The following MARCHF7 variants were observed in gnomAD, a reference collection of about 807,000 sequenced individuals.
The protein encoded by MARCHF7 is E3 ubiquitin-protein ligase MARCHF7.
A neutral mutation model predicts 76.5 loss-of-function variants in MARCHF7; 20 were observed. That is an observed-to-expected ratio of 0.26 (90% confidence interval 0.18 to 0.38). The LOEUF is 0.38. MARCHF7 is among the 10% of genes least tolerant of loss of function. The pLI is 1.00. For missense variants in MARCHF7, 797 were observed against 812.9 expected (o/e 0.98, Z 0.24); for synonymous variants, 295 against 293.0 (o/e 1.01, Z -0.07).
At chr2:159,752,134 T>C (rs1705727756) in intron 7 of MARCHF7, among the ~76,000 whole-genome samples, 1 of 152,232 alleles carries the variant, frequency 6.6e-6, no homozygotes, top group African/African-American at 2.4e-5. Context: ...TTAAATCATT[T>C]GAAAATAAAT....
intron 4 of MARCHF7, among the ~76,000 whole-genome samples, chr2:159,737,855 A>G (rs529173736): frequency 6.6e-6 from 1 of 152,318 alleles, no homozygotes; most frequent in African/African-American, 2.4e-5. Flanking sequence ...ACCTTCATAC[A>G]TAGTTGATGG....
chr2:159,745,637 C>CA (rs1704765582), intron 5 of MARCHF7, 133 bp from the exon 6 acceptor site: 1 of 576,884 alleles, frequency 1.7e-6, no homozygotes, highest in Admixed American at 3.8e-5. Context: ...GCCTGGGTGA[C>CA]AGAGTGAGAC....
chr2:159,714,137 C>CG (rs1700725657), intron 1 of MARCHF7, among the ~76,000 whole-genome samples: 1 of 152,198 alleles, frequency 6.6e-6, no homozygotes, highest in African/African-American at 2.4e-5. Context: ...TAGTCCGCTC[C>CG]ATACCCACCT....
rs1264350516 is a variant in MARCHF7, at chr2:159,748,305, A to T, written c.1015A>T (p.Asn339Tyr). Residue 339 changes from asparagine (N) to tyrosine (Y), a missense_variant, in exon 7 of 12, where the codon AAT becomes TAT. Physicochemically the swap from Asn to Tyr is moderately radical, Grantham distance 143. Around this residue, in one of 3 missense-constraint regions of MARCHF7, gnomAD observed 643 missense variants for 631.5 expected, o/e 1.02. Coordinates refer to ENST00000409175, the MANE Select transcript of MARCHF7 (RefSeq NM_001282805.2). ...NVPSASEVPD[N>Y]RASEASQGFR... ...ACCATCAGCTTCTGAAGTTCCCGAT[A>T]ATAGGGCATCTGAAGCTTCTCAGGG... 6 of 1,613,280 alleles carry T rather than the reference A, an allele frequency of 3.7e-6. No homozygotes were observed. The highest frequency in any genetic ancestry group is 3.4e-6 in the Non-Finnish European group (4 of 1,179,932).
Position 159,748,973 on chromosome 2 carries a change from C to CTTTTTTTTTTTTTTTTTTTTTTT in MARCHF7, c.1613+74_1613+75insTTTTTTTTTTTTTTTTTTTTTTT, listed in dbSNP as rs1210018083. 3 of 655,842 alleles carry CTTTTTTTTTTTTTTTTTTTTTTT rather than the reference C, an allele frequency of 4.6e-6. 1 individual carries two copies. 40.6% of individuals were successfully genotyped at this position (655,842 alleles called of 1,614,324 possible). A position where few individuals can be genotyped will look rare whatever the true frequency, so the allele number is the denominator to read the frequency against. ...AAAGAACTCTTCATTTCTTTTTTTTCTTTTCTTTTTTTTTTTTTTTTTTGA... is the reference window on the plus strand; with the variant it reads ...AAAGAACTCTTCATTTCTTTTTTTTCTTTTTTTTTTTTTTTTTTTTTTTTTTTCTTTTTTTTTTTTTTTTTTGA... On this transcript the variant is annotated intron_variant, in intron 7 of 11. Coordinates refer to ENST00000409175, the MANE Select transcript of MARCHF7 (RefSeq NM_001282805.2).
intron 7 of MARCHF7, among the ~76,000 whole-genome samples, chr2:159,749,832 C>A (rs1705410311): frequency 6.6e-6 from 1 of 152,088 alleles, no homozygotes; most frequent in South Asian, 2.1e-4. Context: ...TAATGTCTTA[C>A]CCAATTCCTT....
chr2:159,765,690 T>C (rs1707685722), intron 11 of MARCHF7, among the ~76,000 whole-genome samples: 1 of 152,156 alleles, frequency 6.6e-6, no homozygotes, highest in African/African-American at 2.4e-5. Flanking sequence ...CATAGGAACT[T>C]TTTAATTCTA....
At position 159,748,825 on chromosome 2, in the gene MARCHF7, A is replaced by G; in HGVS notation, c.1535A>G (p.Asn512Ser). ...ITVDIIPSGWNSADGKSDKTK... is the reference protein window; with the variant it reads ...ITVDIIPSGWSSADGKSDKTK... ...GTAGATATTATTCCTTCAGGTTGGA[A>G]TTCAGCTGATGGTAAAAGTGATAAA... is the stretch of plus-strand genomic sequence containing the variant. The change falls in exon 7 of 12, where the codon AAT (asparagine) becomes AGT (serine). Residue 512 changes from asparagine (N) to serine (S), a missense_variant. Coordinates refer to ENST00000409175, the MANE Select transcript of MARCHF7 (RefSeq NM_001282805.2). 2 of 1,614,034 alleles carry G rather than the reference A, an allele frequency of 1.2e-6. No homozygotes were observed. The highest frequency in any genetic ancestry group is 1.7e-6 in the Non-Finnish European group (2 of 1,179,938).
Position 159,743,119 on chromosome 2 carries a change from A to C in MARCHF7, c.212A>C (p.Glu71Ala), listed in dbSNP as rs1197845355. The C allele has an allele frequency of 1.9e-6, 3 of 1,614,096 alleles. No individual in the cohort carries two copies. The highest frequency in any genetic ancestry group is 2.5e-6 in the Non-Finnish European group (3 of 1,180,050). ...CAATCTGCATGGTATAGTGAATCTG[A>C]GATAACTCAGGGAGCACGCTCAAGA... ...PFQSAWYSES[E>A]ITQGARSRSQ... is the part of the protein sequence containing the mutation. The change falls in exon 5 of 12, where the codon GAG (glutamate) becomes GCG (alanine). Residue 71 changes from glutamate to alanine, a missense_variant. By Grantham distance (107) the Glu-to-Ala change is moderately radical. Coordinates refer to ENST00000409175, the MANE Select transcript of MARCHF7 (RefSeq NM_001282805.2).
chr2:159,747,775 T>G (rs1433532392), intron 6 of MARCHF7, 30 bp from the exon 7 acceptor site: 3 of 1,528,750 alleles, frequency 2.0e-6, no homozygotes, highest in Non-Finnish European at 2.6e-6. Flanking sequence ...AATTATTTCA[T>G]GTAATTGGTT....
chr2:159,730,292 A>C (rs551269067), intron 4 of MARCHF7, among the ~76,000 whole-genome samples: 1 of 152,224 alleles, frequency 6.6e-6, no homozygotes, highest in Admixed American at 6.5e-5. Flanking sequence ...TTTGATTTGC[A>C]AAAGTCTGAT....
chr2:159,720,281 C>T (rs1701493558), intron 3 of MARCHF7, among the ~76,000 whole-genome samples: 1 of 152,202 alleles, frequency 6.6e-6, no homozygotes, highest in African/African-American at 2.4e-5. Context: ...GCCTTGGCCT[C>T]CCAAAGTGCT....
At chr2:159,735,539 T>C (rs151185035) in intron 4 of MARCHF7, among the ~76,000 whole-genome samples, 4 of 152,330 alleles carry the variant, frequency 2.6e-5, no homozygotes, top group Admixed American at 6.5e-5. Flanking sequence ...ATCTGTACAT[T>C]TCCCTATTTT....
In MARCHF7 at chr2:159,769,676, G is replaced by T. The variant is rs1226192983; in HGVS notation, c.*2334G>T. On this transcript the variant is annotated 3_prime_UTR_variant, in exon 12 of 12. Transcript: ENST00000409175. ...TATATATAGCACTTCATTACCAGAG[G>T]CCTCTTGGCCTGTTGAAAAATGAAA... 6.6e-6 allele frequency: 1 copy of T among 151,746 alleles called. No individual in the cohort carries two copies. Among genetic ancestry groups the T allele is most frequent in the Non-Finnish European group, 1.5e-5 (1 of 67,990 alleles). 9.4% of individuals were successfully genotyped at this position (151,746 alleles called of 1,614,324 possible). A position where few individuals can be genotyped will look rare whatever the true frequency, so the allele number is the denominator to read the frequency against.
At chr2:159,720,459 TC>T (rs1444904994) in intron 3 of MARCHF7, among the ~76,000 whole-genome samples, 1 of 152,242 alleles carries the variant, frequency 6.6e-6, no homozygotes. Flanking sequence ...AGTTTCCTGT[TC>T]CTTGCCTGTA....
At chr2:159,722,713 TA>T (rs1342402028) in intron 3 of MARCHF7, among the ~76,000 whole-genome samples, 3 of 152,258 alleles carry the variant, frequency 2.0e-5, no homozygotes, top group African/African-American at 4.8e-5. Flanking sequence ...TGTTTTTCAC[TA>T]TATTTTGTGC....
chr2:159,733,909 T>C (rs1703127653), intron 4 of MARCHF7: 2 of 1,216,902 alleles, frequency 1.6e-6, no homozygotes, highest in African/African-American at 1.5e-5. Flanking sequence ...TTTGGGAAAA[T>C]GTAGATTCTA....
chr2:159,728,822 C>G (rs1236220675), intron 3 of MARCHF7, among the ~76,000 whole-genome samples, 187 bp from the exon 4 acceptor site: 1 of 152,062 alleles, frequency 6.6e-6, no homozygotes, highest in Non-Finnish European at 1.5e-5. Flanking sequence ...CTTTTATGGA[C>G]GATAGGAAAC....
At chr2:159,745,638 AGAGT>A (rs1704765989) in intron 5 of MARCHF7, 128 bp from the exon 6 acceptor site, 2 of 580,212 alleles carry the variant, frequency 3.4e-6, no homozygotes, top group Non-Finnish European at 5.5e-6. Flanking sequence ...CCTGGGTGAC[AGAGT>A]GAGACTCCGT....
Sources: gnomAD v4.1 joint callset for allele counts (sites outside exome capture counted in the v4.1 genomes callset) on GRCh38, gnomAD v4.1.1 for gene constraint, gnomAD v4.1.1 regional missense constraint, MANE v1.5 for transcripts, NCBI Gene and HGNC (gene_info 2026-07-23, HGNC 2026-07-21) for gene names.